Variants in ERBB4 observed in about 807,000 individuals in gnomAD.
ERBB4 encodes the protein receptor tyrosine-protein kinase erbB-4.
A neutral mutation model predicts 158.0 loss-of-function variants in ERBB4; 42 were observed. That is an observed-to-expected ratio of 0.27 (90% CI 0.21 to 0.34). The LOEUF (loss-of-function observed/expected upper bound fraction) is 0.34. Among genes scored for constraint, ERBB4 ranks in the 10% least tolerant of loss-of-function variants. The probability of loss-of-function intolerance (pLI) is 1.00; values close to 1 mark genes in which losing one functional copy is unlikely to be tolerated. For missense variants in ERBB4, 1,333 were observed against 1,624.1 expected (o/e 0.82, Z 3.08); for synonymous variants, 583 against 558.7 (o/e 1.04, Z -0.61).
chr2:211,816,868 A>G (rs1181015477), intron 3 of ERBB4, among the ~76,000 whole-genome samples: 3 of 152,164 alleles, frequency 2.0e-5, no homozygotes, highest in African/African-American at 7.2e-5. Context: ...TTAGCAAGCA[A>G]TGGAGCTGGA....
In ERBB4 at chr2:211,640,156, G is replaced by T. The variant is rs187822897; in HGVS notation, c.1947-9562C>A. ...CAATCCTTGTTTTATACTGAAAGAA[G>T]ATTTTTTTAAAAATAAAATGCTAAC... On this transcript the variant is annotated intron_variant, in intron 16 of 27. Transcript: ENST00000342788. Among the ~76,000 whole-genome samples, 26 of 152,064 alleles carry T rather than the reference G, an allele frequency of 1.7e-4. No homozygotes were observed. In the East Asian group the frequency reaches 1.9e-3, roughly 11 times the overall value.
intron 1 of ERBB4, among the ~76,000 whole-genome samples, chr2:212,201,432 G>A (rs1236102183): frequency 6.6e-6 from 1 of 152,026 alleles, no homozygotes; most frequent in East Asian, 1.9e-4. Context: ...TCTCAGGATG[G>A]TATTCTGGAC....
rs372421003 is a variant in ERBB4, at chr2:211,713,197, T to C, written c.997+338A>G. Among the ~76,000 whole-genome samples the C allele has an allele frequency of 3.3e-5, 5 of 152,286 alleles. No homozygotes were observed. The East Asian group carries it at 9.6e-4, about 29-fold the overall frequency. ...TGTATATAGTGGCAAGCAACTAATA[T>C]GTGTTGTGATGCCAACATAACCGTG... On this transcript the variant is annotated intron_variant, in intron 8 of 27. Transcript: ENST00000342788.
chr2:212,391,805 T>C (rs2090881692), intron 1 of ERBB4, among the ~76,000 whole-genome samples: 1 of 140,196 alleles, frequency 7.1e-6, no homozygotes, highest in African/African-American at 2.9e-5. Flanking sequence ...TATAATATTA[T>C]GTGGGATTAT....
intron 2 of ERBB4, among the ~76,000 whole-genome samples, chr2:212,062,128 A>G (rs1260606414): frequency 6.6e-6 from 1 of 152,220 alleles, no homozygotes; most frequent in African/African-American, 2.4e-5. Flanking sequence ...GTGAGTAGCC[A>G]TCAGAATCTA....
intron 12 of ERBB4, among the ~76,000 whole-genome samples, chr2:211,700,188 C>G (rs893762831): frequency 1.3e-5 from 2 of 152,050 alleles, no homozygotes; most frequent in Non-Finnish European, 2.9e-5. Context: ...GAAGAAGATT[C>G]TATCTTATTG....
chr2:211,414,500 T>TAAAA (rs71047174), intron 25 of ERBB4, among the ~76,000 whole-genome samples: 4 of 102,102 alleles, frequency 3.9e-5, no homozygotes, highest in East Asian at 2.7e-4. Flanking sequence ...CAGTCTCAAT[T>TAAAA]AAAAAAAAAA....
chr2:212,223,570 T>A (rs1464569736), intron 1 of ERBB4, among the ~76,000 whole-genome samples: 1 of 151,270 alleles, frequency 6.6e-6, no homozygotes, highest in Non-Finnish European at 1.5e-5. Flanking sequence ...AATGATCAAA[T>A]CCTCAAAATA....
At chr2:211,788,668 C>T (rs1559520265) in intron 3 of ERBB4, among the ~76,000 whole-genome samples, 1 of 152,078 alleles carries the variant, frequency 6.6e-6, no homozygotes, top group Non-Finnish European at 1.5e-5. Context: ...CCACACATGA[C>T]ATTCCAAGGT....
intron 2 of ERBB4, among the ~76,000 whole-genome samples, chr2:212,108,869 C>T (rs909253482): frequency 6.6e-6 from 1 of 152,080 alleles, no homozygotes; most frequent in Non-Finnish European, 1.5e-5. Flanking sequence ...GAAATCTTGT[C>T]CCTCCTTTCC....
At chr2:211,469,911 G>T (rs1350769647) in intron 20 of ERBB4, among the ~76,000 whole-genome samples, 1 of 151,700 alleles carries the variant, frequency 6.6e-6, no homozygotes, top group Non-Finnish European at 1.5e-5. Flanking sequence ...AAGTGGGCTT[G>T]GGGGGGGAGA....
chr2:211,734,251 G>C (rs1258523741), intron 5 of ERBB4, among the ~76,000 whole-genome samples: 6 of 152,026 alleles, frequency 3.9e-5, no homozygotes, highest in Non-Finnish European at 7.4e-5. Flanking sequence ...TTGTTTATGA[G>C]CAAATCTAAA....
At chr2:212,502,821 G>A (rs1690966516) in intron 1 of ERBB4, among the ~76,000 whole-genome samples, 1 of 152,060 alleles carries the variant, frequency 6.6e-6, no homozygotes, top group African/African-American at 2.4e-5. Flanking sequence ...ACCCTGCCCA[G>A]GTATAGTGGT....
At chr2:211,662,971 C>T (rs552056394) in intron 15 of ERBB4, among the ~76,000 whole-genome samples, 2 of 152,244 alleles carry the variant, frequency 1.3e-5, no homozygotes, top group African/African-American at 2.4e-5. Context: ...ACTGATAGGT[C>T]GATTATTACA....
In ERBB4 at chr2:211,524,717, G is replaced by A. The variant is rs13425616; in HGVS notation, c.2487+37186C>T. Among the ~76,000 whole-genome samples the A allele has an allele frequency of 7.6e-3, 1,143 of 150,378 alleles. 9 individuals carry two copies. The highest frequency in any genetic ancestry group is 0.013 in the Non-Finnish European group (853 of 67,698). On this transcript the variant is annotated intron_variant, in intron 20 of 27. Transcript: ENST00000342788. ...GCCCACCCGGAACTCCAGCTGGCCC[G>A]CAAGCGCCAGGCGCAGCCCAGATTG...
At position 211,473,808 on chromosome 2, in the gene ERBB4, A is replaced by G. The variant is rs568321321; in HGVS notation, c.2488-42708T>C. On this transcript the variant is annotated intron_variant, in intron 20 of 27. Transcript: ENST00000342788. The stretch of plus-strand genomic sequence containing the variant: ...TGTGGTACAGTAGAAAATACCTGAC[A>G]GTGGTTACCTGTTGCATCCAAATCT... 3.3e-5 allele frequency among the ~76,000 whole-genome samples: 5 copies of G among 152,154 alleles called. No individual in the cohort carries two copies. The East Asian group carries it at 9.7e-4, about 30-fold the overall frequency.
intron 1 of ERBB4, among the ~76,000 whole-genome samples, chr2:212,492,241 T>C (rs1180434216): frequency 2.0e-5 from 3 of 151,456 alleles, no homozygotes; most frequent in Non-Finnish European, 4.4e-5. Context: ...TGTGAATATC[T>C]AACGAAGAGC....
intron 20 of ERBB4, among the ~76,000 whole-genome samples, chr2:211,458,133 C>T (rs2033646): frequency 0.13 from 20,180 of 151,682 alleles, 1,683 homozygotes; most frequent in South Asian, 0.36. Flanking sequence ...TCATTCTTAC[C>T]TCCTGCTCTG....
At position 211,664,351 on chromosome 2, in the gene ERBB4, G is replaced by GTGTGTC. The variant is rs1476257996; in HGVS notation, c.1871+966_1871+971dup. Among the ~76,000 whole-genome samples the GTGTGTC allele has an allele frequency of 2.0e-5, 3 of 151,878 alleles. No homozygotes were observed. In the East Asian group the frequency reaches 5.8e-4, roughly 29 times the overall value. Reference sequence around the variant, plus strand: ...AATGTGTGTGTGTGTGTGTGTGTGTGTGTGTCTGTATGCGTCTGTGTGTGT... The same window carrying GTGTGTC: ...AATGTGTGTGTGTGTGTGTGTGTGTGTGTGTCTGTGTCTGTATGCGTCTGTGTGTGT... On this transcript the variant is annotated intron_variant, in intron 15 of 27. Transcript: ENST00000342788.
Sources: gnomAD v4.1 joint callset for allele counts (sites outside exome capture counted in the v4.1 genomes callset) on GRCh38, gnomAD v4.1.1 for gene constraint, MANE v1.5 for transcripts, NCBI Gene and HGNC (gene_info 2026-07-23, HGNC 2026-07-21) for gene names.